AMELY: variants seen among roughly 807,000 people sequenced by gnomAD.
AMELY encodes the protein amelogenin Y-linked.
Under a neutral mutation model 4.2 loss-of-function variants are expected in AMELY, and 4 were observed. The observed-to-expected ratio is 0.96, with a 90% CI of 0.47 to 2.19. The LOEUF (loss-of-function observed/expected upper bound fraction) is 2.19. Ranked by LOEUF, AMELY falls within the 30% of genes most tolerant of loss-of-function variation. The pLI is 0.02. For synonymous variants in AMELY, 11 were observed against 14.7 expected (o/e 0.75, Z 0.57); for missense variants, 32 against 41.5 (o/e 0.77, Z 0.63).
intron 1 of AMELY, among the ~76,000 whole-genome samples, chrY:6,882,750 G>GA (rs2054075782): frequency 1.7e-4 from 5 of 29,869 alleles, no homozygotes; most frequent in Admixed American, 9.2e-4. Context: ...AAATTTACAA[G>GA]AAAAAAAAAC....
intron 1 of AMELY, among the ~76,000 whole-genome samples, chrY:6,909,905 T>A: frequency 3.0e-5 from 1 of 33,231 alleles, no homozygotes; most frequent in Non-Finnish European, 7.4e-5. Context: ...GGCAAACTTA[T>A]TTAAAAATAT....
In AMELY at chrY:6,868,734, GT is replaced by G. The variant is rs749909357; in HGVS notation, c.144del (p.Pro49HisfsTer28). On this transcript the variant is annotated frameshift_variant, in exon 5 of 7. Transcript: ENST00000651267. LOFTEE classifies it high-confidence loss of function. ...PLKWYQSMIR[P>X]PYSSYGYEPM... ...TAAAGAACAAAATGTCTACATACTGGTGGTCTTATCATGCTCTGGTACCACT... is the reference window on the plus strand; with the variant it reads ...TAAAGAACAAAATGTCTACATACTGGGGTCTTATCATGCTCTGGTACCACT... The G allele has an allele frequency of 2.6e-6, 1 of 391,085 alleles. No individual in the cohort carries two copies. The highest frequency in any genetic ancestry group is 6.4e-5 in the African/African-American group (1 of 15,566).
At chrY:6,876,980 C>G in intron 1 of AMELY, among the ~76,000 whole-genome samples, 1 of 33,363 alleles carries the variant, frequency 3.0e-5, no homozygotes, top group Non-Finnish European at 7.4e-5. Context: ...GTTCATGGCA[C>G]CATCTTGAGA....
At chrY:6,871,960 AAACAAC>A (rs1316640666) in intron 3 of AMELY, among the ~76,000 whole-genome samples, 65 of 29,416 alleles carry the variant, frequency 2.2e-3, no homozygotes, top group Admixed American at 3.8e-3. Context: ...CTCCATCTCA[AAACAAC>A]AACAACAACA....
chrY:6,870,133 T>A, intron 3 of AMELY, 80 bp from the exon 4 acceptor site: 3 of 263,759 alleles, frequency 1.1e-5, no homozygotes, highest in Non-Finnish European at 1.8e-5. Flanking sequence ...AGTAAGAGAT[T>A]AAGTCAATAT....
chrY:6,876,397 G>A, intron 1 of AMELY, among the ~76,000 whole-genome samples: 1 of 33,435 alleles, frequency 3.0e-5, no homozygotes, highest in Non-Finnish European at 7.4e-5. Context: ...AATAGCCAGT[G>A]ATATTCACAC....
At chrY:6,886,241 G>T (rs2124083199) in intron 1 of AMELY, among the ~76,000 whole-genome samples, 1 of 33,635 alleles carries the variant, frequency 3.0e-5, no homozygotes, top group African/African-American at 1.2e-4. Flanking sequence ...ATAAAGGAAT[G>T]AAAGTTATGA....
At position 6,887,038 on chromosome Y, in the gene AMELY, G is replaced by C. The variant is rs778880116; in HGVS notation, c.-112-12967C>G. ...ACAGTATCACTTCATAAACCATAGA[G>C]GTCAGAAATCATTGGCATAACATAT... is the stretch of plus-strand genomic sequence containing the variant. On this transcript the variant is annotated intron_variant, in intron 1 of 6. Coordinates refer to ENST00000651267, the MANE Select transcript of AMELY (RefSeq NM_001143.2). 6.3e-4 allele frequency among the ~76,000 whole-genome samples: 21 copies of C among 33,309 alleles called. No individual in the cohort carries two copies. The South Asian group carries it at 0.014, about 22-fold the overall frequency. 89.4% of individuals were successfully genotyped at this position (33,309 alleles called of 37,273 possible).
intron 1 of AMELY, among the ~76,000 whole-genome samples, chrY:6,880,037 C>G: frequency 3.1e-5 from 1 of 32,408 alleles, no homozygotes; most frequent in Non-Finnish European, 7.5e-5. Context: ...TTTTTTGGTT[C>G]CATATGAACT....
intron 1 of AMELY, among the ~76,000 whole-genome samples, chrY:6,885,273 A>G: frequency 3.0e-5 from 1 of 33,500 alleles, no homozygotes; most frequent in Admixed American, 2.7e-4. Flanking sequence ...AGGTCAGGAG[A>G]TCGAGACCAT....
intron 3 of AMELY, among the ~76,000 whole-genome samples, chrY:6,872,288 T>A: frequency 3.0e-5 from 1 of 33,307 alleles, no homozygotes; most frequent in South Asian, 6.9e-4. Flanking sequence ...ATGAGGCTAA[T>A]CAATGGAACA....
At chrY:6,882,845 A>G in intron 1 of AMELY, among the ~76,000 whole-genome samples, 1 of 33,811 alleles carries the variant, frequency 3.0e-5, no homozygotes, top group Non-Finnish European at 7.4e-5. Context: ...TATGAAAAAA[A>G]GCTCATCATC....
At chrY:6,901,317 C>A (rs2054089389) in intron 1 of AMELY, 2 of 34,966 alleles carry the variant, frequency 5.7e-5, no homozygotes, top group African/African-American at 2.4e-4. Context: ...GAATAGGTTC[C>A]CCACTTCAAA....
At chrY:6,908,033 G>A (rs2011669787) in intron 1 of AMELY, among the ~76,000 whole-genome samples, 4 of 32,438 alleles carry the variant, frequency 1.2e-4, no homozygotes, top group Admixed American at 1.1e-3. Flanking sequence ...GTGGAGACGG[G>A]GTTTCACCGT....
At chrY:6,870,799 A>T in intron 3 of AMELY, among the ~76,000 whole-genome samples, 1 of 33,292 alleles carries the variant, frequency 3.0e-5, no homozygotes, top group African/African-American at 1.2e-4. Flanking sequence ...AAAAGGCCAC[A>T]TGAATGATAA....
chrY:6,909,868 C>G, intron 1 of AMELY, among the ~76,000 whole-genome samples: 1 of 32,885 alleles, frequency 3.0e-5, no homozygotes, highest in Non-Finnish European at 7.4e-5. Flanking sequence ...GATCTTAGCA[C>G]AAAGCTCATC....
chrY:6,889,290 G>A (rs2054081812), intron 1 of AMELY, among the ~76,000 whole-genome samples: 1 of 33,010 alleles, frequency 3.0e-5, no homozygotes, highest in Admixed American at 2.8e-4. Context: ...ACGAAAACAT[G>A]AAATTTAGTT....
At chrY:6,903,483 T>C (rs2011656101) in intron 1 of AMELY, among the ~76,000 whole-genome samples, 1 of 33,122 alleles carries the variant, frequency 3.0e-5, no homozygotes, top group African/African-American at 1.2e-4. Flanking sequence ...AACAGTACCA[T>C]ATATTTGATG....
intron 3 of AMELY, among the ~76,000 whole-genome samples, chrY:6,871,744 G>T (rs2054067778): frequency 3.1e-5 from 1 of 31,764 alleles, no homozygotes; most frequent in South Asian, 7.4e-4. Flanking sequence ...TGGATCATGA[G>T]GTCAGGAGAT....
Sources: allele counts gnomAD v4.1 joint callset (sites outside exome capture counted in the v4.1 genomes callset), GRCh38; gene constraint gnomAD v4.1.1; transcripts MANE v1.5; gene names NCBI Gene and HGNC (gene_info 2026-07-23, HGNC 2026-07-21).